Variants in CFAP70 observed in about 807,000 individuals in gnomAD.
The protein encoded by CFAP70 is cilia- and flagella-associated protein 70.
CFAP70 carries 81 observed loss-of-function variants against 137.6 expected under a neutral mutation model. That is an observed-to-expected ratio of 0.59 (90% CI 0.49 to 0.71). The LOEUF is 0.71. CFAP70 is among the 30% of genes least tolerant of loss of function. CFAP70 has a pLI of 0.00. For synonymous variants in CFAP70, 382 were observed against 423.6 expected, an observed-to-expected ratio of 0.90 and a Z score of 1.20; for missense variants, 976 against 1,226.7, an observed-to-expected ratio of 0.80 and a Z score of 3.05.
chr10:73,301,413 T>C (rs1448744932), intron 12 of CFAP70, among the ~76,000 whole-genome samples: 1 of 152,198 alleles, frequency 6.6e-6, no homozygotes, highest in African/African-American at 2.4e-5. Flanking sequence ...TGCTCCTGTT[T>C]TGACAATGAA....
Position 73,304,769 on chromosome 10 carries a change from C to T in CFAP70, c.1257-5104G>A, listed in dbSNP as rs553587068. On this transcript the variant is annotated intron_variant, in intron 12 of 26. Transcript: ENST00000310715. ...ATCTTTCTTTGAGTATAATGCTCCT[C>T]ACATCAAGAGGTAAAGTCTAGATGT... Among the ~76,000 whole-genome samples, 15 of 151,908 alleles carry T rather than the reference C, an allele frequency of 9.9e-5. No individual in the cohort carries two copies. The South Asian group carries it at 2.9e-3, about 29-fold the overall frequency.
chr10:73,314,163 C>G (rs1386218445), intron 9 of CFAP70, among the ~76,000 whole-genome samples: 1 of 151,986 alleles, frequency 6.6e-6, no homozygotes, highest in South Asian at 2.1e-4. Flanking sequence ...GAGGGGTGGA[C>G]AGAGGTGGGC....
At chr10:73,338,028 G>T (rs1263727512) in intron 6 of CFAP70, among the ~76,000 whole-genome samples, 1 of 152,088 alleles carries the variant, frequency 6.6e-6, no homozygotes, top group African/African-American at 2.4e-5. Context: ...TTGCCATCAT[G>T]AATAGACTAA....
chr10:73,273,137 T>C, intron 23 of CFAP70, 120 bp from the exon 25 acceptor site: 1 of 788,624 alleles, frequency 1.3e-6, no homozygotes, highest in Admixed American at 2.1e-5. Flanking sequence ...GCAAGTCCTT[T>C]AATTGTACTT....
chr10:73,343,209 CAAAAAAA>C (rs60755900), intron 5 of CFAP70, among the ~76,000 whole-genome samples: 7 of 72,664 alleles, frequency 9.6e-5, no homozygotes, highest in Non-Finnish European at 1.3e-4. Flanking sequence ...GATTCCGTCT[CAAAAAAA>C]AAAAAAAAAA....
chr10:73,291,153 T>G (rs112389351), intron 19 of CFAP70, 73 bp downstream of exon 20: 6 of 1,359,926 alleles, frequency 4.4e-6, no homozygotes, highest in Non-Finnish European at 6.3e-6. Context: ...TTGCTAGGAC[T>G]ACAGGTGTGA....
At chr10:73,297,295 C>T (rs1481677333) in intron 14 of CFAP70, 122 bp from the exon 16 acceptor site, 23 of 986,166 alleles carry the variant, frequency 2.3e-5, no homozygotes, top group Non-Finnish European at 8.6e-6. Context: ...TGATTTCTCC[C>T]TTGGTGGGTG....
At chr10:73,352,469 C>G (rs1380581539) in intron 3 of CFAP70, among the ~76,000 whole-genome samples, 2 of 149,658 alleles carry the variant, frequency 1.3e-5, no homozygotes, top group Non-Finnish European at 2.9e-5. Flanking sequence ...ATCAGGCTTT[C>G]TTTCTTTTTT....
At chr10:73,324,680 G>A (rs1266273776) in intron 8 of CFAP70, among the ~76,000 whole-genome samples, 1 of 152,206 alleles carries the variant, frequency 6.6e-6, no homozygotes, top group Admixed American at 6.5e-5. Flanking sequence ...CGAGAACTAC[G>A]TGAAGAATGC....
At chr10:73,256,500 G>T in intron 25 of CFAP70, 84 bp from the exon 27 acceptor site, 1 of 1,428,546 alleles carries the variant, frequency 7.0e-7, no homozygotes, top group Non-Finnish European at 9.8e-7. Context: ...TAAGGCAGAG[G>T]CACCTACACC....
intron 9 of CFAP70, among the ~76,000 whole-genome samples, chr10:73,317,051 A>G (rs1298318268): frequency 1.3e-5 from 2 of 152,102 alleles, no homozygotes; most frequent in Non-Finnish European, 2.9e-5. Context: ...ATTGAGAGAG[A>G]GTCTCACTCT....
At chr10:73,353,587 A>G in exon 3 of CFAP70, 1 of 1,614,200 alleles carries the variant, frequency 6.2e-7, no homozygotes, top group Non-Finnish European at 8.5e-7. Context: ...GGTCATCTGA[A>G]GTGATTCCTC....
rs564213843 is a variant in CFAP70 at position 73,278,597 on chromosome 10, TTTAAG to T, written c.2240-265_2240-261del. 2.0e-4 allele frequency among the ~76,000 whole-genome samples: 30 copies of T among 152,312 alleles called. No individual in the cohort carries two copies. The South Asian group carries it at 5.8e-3, about 29-fold the overall frequency. The stretch of plus-strand genomic sequence containing the variant: ...GTCATAATATCAAACAGATCCCTAT[TTTAAG>T]TTATTAAAAAAATAAATAAATCTTT... On this transcript the variant is annotated intron_variant, in intron 19 of 26. Coordinates refer to ENST00000310715, the Ensembl canonical transcript of CFAP70.
At chr10:73,324,710 G>T (rs541491579) in intron 8 of CFAP70, among the ~76,000 whole-genome samples, 9 of 152,350 alleles carry the variant, frequency 5.9e-5, no homozygotes, top group African/African-American at 1.2e-4. Flanking sequence ...AGGAGCCGAT[G>T]TGATCAACTG....
At position 73,328,643 on chromosome 10, in the gene CFAP70, G is replaced by C. The variant is rs2051731011; in HGVS notation, c.777+2534C>G. Among the ~76,000 whole-genome samples, 14 of 139,602 alleles carry C rather than the reference G, an allele frequency of 1.0e-4. No homozygotes were observed. The South Asian group carries it at 3.7e-3, about 37-fold the overall frequency. 91.6% of individuals were successfully genotyped at this position (139,602 alleles called of 152,430 possible). On this transcript the variant is annotated intron_variant, in intron 8 of 26. Coordinates refer to ENST00000310715, the Ensembl canonical transcript of CFAP70. ...ACAATGAACTCAAACAAATTTACAA[G>C]AAAAAAACAAACAACCCCATCAAAA...
At position 73,275,320 on chromosome 10, in the gene CFAP70, G is replaced by A; in HGVS notation, c.2673+126C>T. The A allele has an allele frequency of 8.9e-7, 1 of 1,117,344 alleles. No individual in the cohort carries two copies. The highest frequency in any genetic ancestry group is 1.3e-6 in the Non-Finnish European group (1 of 790,220). 69.2% of individuals were successfully genotyped at this position (1,117,344 alleles called of 1,614,324 possible). ...AGAAAAGCAAATGGAAGGGTATAGA[G>A]AGATGAGTTTACTGACAGCTGATGA... On this transcript the variant is annotated intron_variant, in intron 22 of 26. Transcript: ENST00000310715. This position sits in a 1 kb window ranked among gnomAD's most constrained non-coding sequence, Gnocchi z 4.0.
At chr10:73,330,311 G>T (rs776670537) in intron 8 of CFAP70, among the ~76,000 whole-genome samples, 4 of 151,782 alleles carry the variant, frequency 2.6e-5, no homozygotes, top group African/African-American at 7.3e-5. Flanking sequence ...TTAGCCGGGC[G>T]TGGTGGTGTG....
chr10:73,275,420 CAA>C lies in CFAP70; in HGVS notation c.2673+24_2673+25del, dbSNP rs751995593. ...TTAAATAAAGCCCCTTCTCCAGACT[CAA>C]GAGGCTTTAGCAAAAGTCATTACCA... On this transcript the variant is annotated intron_variant, in intron 22 of 26. Transcript: ENST00000310715. This position sits in a 1 kb window ranked among gnomAD's most constrained non-coding sequence, Gnocchi z 4.0. The C allele has an allele frequency of 2.6e-6, 4 of 1,565,178 alleles. No homozygotes were observed. In the Admixed American group the frequency reaches 5.7e-5, roughly 22 times the overall value.
chr10:73,302,212 G>A (rs1298004600), intron 12 of CFAP70, among the ~76,000 whole-genome samples: 1 of 152,112 alleles, frequency 6.6e-6, no homozygotes, highest in East Asian at 1.9e-4. Flanking sequence ...AAGGAAATAA[G>A]TATAGATAGA....
Sources: allele counts gnomAD v4.1 joint callset (sites outside exome capture counted in the v4.1 genomes callset), GRCh38; gene constraint gnomAD v4.1.1; non-coding constraint Gnocchi (gnomAD v3.1); transcripts MANE v1.5; gene names NCBI Gene and HGNC (gene_info 2026-07-23, HGNC 2026-07-21).